ANO3: variants seen among roughly 807,000 people sequenced by gnomAD.
The protein encoded by ANO3 is anoctamin 3.
In ANO3, 99 loss-of-function variants were observed where a neutral mutation model predicts 144.8. The observed-to-expected ratio is 0.68, with a 90% confidence interval of 0.58 to 0.81. The LOEUF is 0.81. ANO3 is among the 30% of genes least tolerant of loss of function. The pLI, the probability that ANO3 is intolerant of heterozygous loss-of-function variation, is 0.00. For missense variants in ANO3, 905 were observed against 1,202.2 expected, an observed-to-expected ratio of 0.75 and a Z score of 3.66; for synonymous variants, 414 against 392.6, an observed-to-expected ratio of 1.05 and a Z score of -0.64.
upstream of ANO3, among the ~76,000 whole-genome samples, chr11:26,329,626 T>C (rs1028836008): frequency 6.6e-6 from 1 of 150,758 alleles, no homozygotes; most frequent in Non-Finnish European, 1.5e-5. Flanking sequence ...AAACATTCTT[T>C]CCTTGGAAAA....
intron 1 of ANO3, among the ~76,000 whole-genome samples, chr11:26,267,799 A>G (rs1170109554): frequency 6.6e-6 from 1 of 152,088 alleles, no homozygotes; most frequent in African/African-American, 2.4e-5. Flanking sequence ...TGCTGTGTCC[A>G]CTGGAGAAAA....
intron 1 of ANO3, among the ~76,000 whole-genome samples, chr11:26,199,678 C>T (rs1035330603): frequency 9.2e-5 from 14 of 152,222 alleles, no homozygotes; most frequent in Admixed American, 3.3e-4. Context: ...GGGGCAAATG[C>T]CCATGGATTT....
At position 26,645,291 on chromosome 11, in the gene ANO3, A is replaced by C. The variant is rs182160359; in HGVS notation, c.2428+1957A>C. Among the ~76,000 whole-genome samples the C allele has an allele frequency of 7.0e-3, 1,063 of 152,040 alleles. 6 individuals carry two copies. The highest frequency in any genetic ancestry group is 9.6e-3 in the Non-Finnish European group (655 of 67,948). ...ATTAAATAATTCAATTTTTGAACTT[A>C]TTTTGTTTCTATTATTTTATACTAC... On this transcript the variant is annotated intron_variant, in intron 23 of 26. Transcript: ENST00000256737.
rs146059595 is a variant in ANO3, at chr11:26,224,372, A to G, written c.154+35042A>G. ...CACATCTTTCTCCATCCCAGGAAGC[A>G]TGTAGGCAGCTATAGCAGGGAATAA... On this transcript the variant is annotated intron_variant, in intron 1 of 27. Transcript: ENST00000672621. Among the ~76,000 whole-genome samples the G allele has an allele frequency of 9.5e-4, 145 of 152,348 alleles. 1 individual carries two copies. Among genetic ancestry groups the G allele is most frequent in the African/African-American group, 3.4e-3 (141 of 41,588 alleles).
chr11:26,233,943 T>C (rs1351226606), intron 1 of ANO3, among the ~76,000 whole-genome samples: 1 of 151,406 alleles, frequency 6.6e-6, no homozygotes, highest in Non-Finnish European at 1.5e-5. Flanking sequence ...GGCCTGTCAG[T>C]AGGTAGGGGG....
chr11:26,263,788 G>A (rs1334791608), intron 1 of ANO3, among the ~76,000 whole-genome samples: 1 of 152,054 alleles, frequency 6.6e-6, no homozygotes, highest in Non-Finnish European at 1.5e-5. Flanking sequence ...ATTGATTACT[G>A]GAAACTCTGT....
intron 1 of ANO3, among the ~76,000 whole-genome samples, chr11:26,370,714 G>A (rs1471209447): frequency 2.0e-5 from 3 of 152,194 alleles, no homozygotes; most frequent in African/African-American, 7.2e-5. Context: ...CCAGGCTGAG[G>A]TGGTCTCAGA....
intron 1 of ANO3, among the ~76,000 whole-genome samples, chr11:26,301,948 G>A (rs1854243438): frequency 6.6e-6 from 1 of 152,084 alleles, no homozygotes; most frequent in Admixed American, 6.6e-5. Context: ...GAGCATTTAT[G>A]GTAAAAATGA....
At position 26,343,075 on chromosome 11, in the gene ANO3, C is replaced by T. The variant is rs898738262; in HGVS notation, c.46+10754C>T. On this transcript the variant is annotated intron_variant, in intron 1 of 26. Transcript: ENST00000256737. ...AGTCACCATGTTGATATTAGATTTTCATAACTTACTCATCTTACATAACTG... is the reference window on the plus strand; with the variant it reads ...AGTCACCATGTTGATATTAGATTTTTATAACTTACTCATCTTACATAACTG... Among the ~76,000 whole-genome samples the T allele has an allele frequency of 4.6e-5, 7 of 152,242 alleles. 1 individual carries two copies. The highest frequency in any genetic ancestry group is 1.7e-4 in the African/African-American group (7 of 41,564).
intron 11 of ANO3, 115 bp downstream of exon 11, chr11:26,542,183 C>A: frequency 1.7e-6 from 2 of 1,176,896 alleles, no homozygotes; most frequent in Non-Finnish European, 2.3e-6. Flanking sequence ...AAAAAGCAAC[C>A]ACTATAAGAT....
rs574801640 is a variant in ANO3, at chr11:26,318,009, C to A, written c.-3+8290C>A. On this transcript the variant is annotated intron_variant, in intron 1 of 26. Transcript: ENST00000525139. ...CATTCTCAGCAAACTAACACAAGAA[C>A]AGAAAACCAAACACCACATGTTCTC... Among the ~76,000 whole-genome samples, 630 of 152,198 alleles carry A rather than the reference C, an allele frequency of 4.1e-3. 3 individuals carry two copies. Among genetic ancestry groups the A allele is most frequent in the African/African-American group, 0.014 (589 of 41,540 alleles).
chr11:26,544,265 T>C lies in ANO3; in HGVS notation c.1154+2197T>C, dbSNP rs1490888939. ...ATTTCATTATACATATATATATATA[T>C]ATATATATACACACATACACACACA... On this transcript the variant is annotated intron_variant, in intron 11 of 26. Coordinates refer to ENST00000256737, the MANE Select transcript of ANO3 (RefSeq NM_031418.4). 1.9e-4 allele frequency among the ~76,000 whole-genome samples: 15 copies of C among 79,532 alleles called. 1 individual carries two copies. The East Asian group carries it at 0.012, about 64-fold the overall frequency. 52.2% of individuals were successfully genotyped at this position (79,532 alleles called of 152,430 possible). A position where few individuals can be genotyped will look rare whatever the true frequency, so the allele number is the denominator to read the frequency against.
intron 1 of ANO3, among the ~76,000 whole-genome samples, chr11:26,300,200 G>A (rs1172329762): frequency 1.3e-5 from 2 of 151,644 alleles, no homozygotes; most frequent in Non-Finnish European, 2.9e-5. Context: ...ATGCAAGCAC[G>A]CACGCACACA....
rs1046935595 is a variant in ANO3, at chr11:26,210,920, A to C, written c.154+21590A>C. 2.0e-5 allele frequency among the ~76,000 whole-genome samples: 3 copies of C among 151,952 alleles called. No homozygotes were observed. In the South Asian group the frequency reaches 6.2e-4, roughly 32 times the overall value. ...CATAATAATAGTGGGAGTCTTTAAC[A>C]CCCCACTGTCAATATTAGACAGATC... On this transcript the variant is annotated intron_variant, in intron 1 of 27. Transcript: ENST00000672621.
rs1181045003 is a variant in ANO3 at position 26,262,218 on chromosome 11, G to C, written c.155-47427G>C. Among the ~76,000 whole-genome samples, 4 of 152,208 alleles carry C rather than the reference G, an allele frequency of 2.6e-5. No homozygotes were observed. In the South Asian group the frequency reaches 6.2e-4, roughly 24 times the overall value. ...GTATTAATTTCAAGCTTATACTTCTGTGAAAATGCTCTATTTTCTCGTACT... is the reference window on the plus strand; with the variant it reads ...GTATTAATTTCAAGCTTATACTTCTCTGAAAATGCTCTATTTTCTCGTACT... On this transcript the variant is annotated intron_variant, in intron 1 of 27. Transcript: ENST00000672621.
At chr11:26,613,890 G>A (rs1432190643) in intron 17 of ANO3, among the ~76,000 whole-genome samples, 1 of 152,236 alleles carries the variant, frequency 6.6e-6, no homozygotes, top group Non-Finnish European at 1.5e-5. Context: ...TCTGTATGGT[G>A]AGTTTCCTGC....
chr11:26,192,560 A>G (rs1304031303), intron 1 of ANO3, among the ~76,000 whole-genome samples: 1 of 152,240 alleles, frequency 6.6e-6, no homozygotes, highest in Non-Finnish European at 1.5e-5. Context: ...CATAGTAACT[A>G]TTAGGTATCT....
chr11:26,532,003 G>A (rs1300222885), intron 8 of ANO3, among the ~76,000 whole-genome samples: 1 of 152,178 alleles, frequency 6.6e-6, no homozygotes, highest in Admixed American at 6.5e-5. Flanking sequence ...AATTAACTGG[G>A]GTAAACATAA....
chr11:26,275,973 C>T (rs1490328081), intron 1 of ANO3, among the ~76,000 whole-genome samples: 2 of 152,144 alleles, frequency 1.3e-5, no homozygotes, highest in Non-Finnish European at 2.9e-5. Context: ...ATAACACTAT[C>T]ATCTTCACTG....
Sources: allele counts gnomAD v4.1 joint callset (sites outside exome capture counted in the v4.1 genomes callset), GRCh38; gene constraint gnomAD v4.1.1; transcripts MANE v1.5; gene names NCBI Gene and HGNC (gene_info 2026-07-23, HGNC 2026-07-21).